Variants in SEC24A observed in about 807,000 individuals in gnomAD.
SEC24A encodes the protein SEC24 homolog A, COPII component.
In SEC24A, 93 loss-of-function variants were observed where a neutral mutation model predicts 129.4. The ratio of observed to expected loss-of-function variants is 0.72; its 90% CI spans 0.61 to 0.85. The LOEUF (loss-of-function observed/expected upper bound fraction) is 0.85. Ranked by LOEUF, SEC24A falls within the 40% of genes least tolerant of loss-of-function variation. The pLI is 0.00. For synonymous variants in SEC24A, 460 were observed against 467.3 expected (o/e 0.98, Z 0.20); for missense variants, 1,264 against 1,307.4 (o/e 0.97, Z 0.51).
intron 21 of SEC24A, among the ~76,000 whole-genome samples, chr5:134,723,062 G>T (rs997377627): frequency 9.8e-5 from 15 of 152,292 alleles, no homozygotes; most frequent in African/African-American, 3.1e-4. Flanking sequence ...GCTGAGGTGA[G>T]AGAATCACTT....
chr5:134,705,036 T>A (rs1752109564), intron 16 of SEC24A, among the ~76,000 whole-genome samples: 1 of 148,648 alleles, frequency 6.7e-6, no homozygotes, highest in East Asian at 1.9e-4. Flanking sequence ...TACTACCTGG[T>A]TCTAAATCGA....
chr5:134,679,774 G>A, intron 8 of SEC24A, 46 bp downstream of exon 8: 1 of 1,441,034 alleles, frequency 6.9e-7, no homozygotes, highest in Non-Finnish European at 9.3e-7. Flanking sequence ...TACTTGCATT[G>A]TAGGGAAATC....
In SEC24A at chr5:134,688,230, A is replaced by T. The variant is rs746620325; in HGVS notation, c.1654A>T (p.Thr552Ser). ...AATTGGCTTCATAACATTTGACAGT[A>T]CAATCCATTTCTACGGTCTTCAGGA... is the stretch of plus-strand genomic sequence containing the variant. ...TKIGFITFDS[T>S]IHFYGLQESL... is the part of the protein sequence containing the mutation. Residue 552 changes from threonine (T) to serine (S), a missense_variant, in exon 11 of 23, where the codon ACA becomes TCA. Physicochemically the swap from Thr to Ser is moderately conservative, Grantham distance 58. Coordinates refer to ENST00000398844, the MANE Select transcript of SEC24A (RefSeq NM_021982.3). 6.2e-7 allele frequency: 1 copy of T among 1,613,484 alleles called. No homozygotes were observed. Among genetic ancestry groups the T allele is most frequent in the South Asian group, 1.1e-5 (1 of 91,054 alleles).
At chr5:134,716,441 C>T (rs1393069198) in intron 19 of SEC24A, among the ~76,000 whole-genome samples, 1 of 149,308 alleles carries the variant, frequency 6.7e-6, no homozygotes, top group Admixed American at 6.7e-5. Context: ...TACACTCCAG[C>T]CTGGGTGACA....
chr5:134,658,148 T>A (rs1229935190), intron 1 of SEC24A, among the ~76,000 whole-genome samples: 2 of 152,030 alleles, frequency 1.3e-5, no homozygotes, highest in Non-Finnish European at 1.5e-5. Context: ...ACACCTGTAA[T>A]CCTAGCTACT....
At chr5:134,692,972 C>T (rs1016148986) in intron 12 of SEC24A, 7 of 1,377,070 alleles carry the variant, frequency 5.1e-6, no homozygotes, top group Non-Finnish European at 7.0e-6. Context: ...CTTCTGGTCA[C>T]TACATAGAAG....
chr5:134,680,627 C>T (rs1751233409), intron 8 of SEC24A, among the ~76,000 whole-genome samples: 1 of 151,998 alleles, frequency 6.6e-6, no homozygotes, highest in South Asian at 2.1e-4. Flanking sequence ...AGCCACTGCA[C>T]CCGGCCAAGA....
intron 18 of SEC24A, among the ~76,000 whole-genome samples, chr5:134,711,289 T>C (rs1299997980): frequency 6.6e-6 from 1 of 152,054 alleles, no homozygotes; most frequent in Non-Finnish European, 1.5e-5. Flanking sequence ...AAAGCAAGAA[T>C]CTGTCTCTAC....
chr5:134,723,593 A>G lies in SEC24A; in HGVS notation c.3090A>G (p.Pro1030=). The part of the protein sequence containing the change: ...PMTDLPELDT[P]ESARIIAFIS... ...CAGACCTTCCAGAACTTGATACACCAGAATCTGCCAGAATAATAGCTTTCA... is the reference window on the plus strand; with the variant it reads ...CAGACCTTCCAGAACTTGATACACCGGAATCTGCCAGAATAATAGCTTTCA... The change falls in exon 22 of 23, where the codon CCA becomes CCG. Residue 1030 remains proline (P), a synonymous_variant. Transcript: ENST00000398844. 6.2e-7 allele frequency: 1 copy of G among 1,613,072 alleles called. No individual in the cohort carries two copies. The highest frequency in any genetic ancestry group is 8.5e-7 in the Non-Finnish European group (1 of 1,179,100).
intron 19 of SEC24A, among the ~76,000 whole-genome samples, chr5:134,717,213 G>T (rs1752501325): frequency 6.6e-6 from 1 of 151,922 alleles, no homozygotes; most frequent in African/African-American, 2.4e-5. Flanking sequence ...GTTAAGATCA[G>T]AAGTTAATGG....
intron 11 of SEC24A, among the ~76,000 whole-genome samples, chr5:134,689,147 A>G (rs1390187598): frequency 6.6e-6 from 1 of 152,222 alleles, no homozygotes; most frequent in Non-Finnish European, 1.5e-5. Flanking sequence ...CCTAAACTTA[A>G]GAGCTATAAG....
chr5:134,663,511 A>G (rs534658204), intron 2 of SEC24A, among the ~76,000 whole-genome samples: 1 of 152,304 alleles, frequency 6.6e-6, no homozygotes, highest in South Asian at 2.1e-4. Context: ...AGTTTGGGAA[A>G]ACATTTATTT....
At chr5:134,652,791 T>G (rs1364340449) in intron 1 of SEC24A, among the ~76,000 whole-genome samples, 1 of 151,678 alleles carries the variant, frequency 6.6e-6, no homozygotes, top group African/African-American at 2.4e-5. Flanking sequence ...TTGTTTTGTT[T>G]TGTTTTTGTT....
At position 134,727,064 on chromosome 5, in the gene SEC24A, C is replaced by T. The variant is rs1431720603; in HGVS notation, c.*1970C>T. The T allele has an allele frequency of 6.6e-6, 1 of 152,456 alleles. No individual in the cohort carries two copies. Among genetic ancestry groups the T allele is most frequent in the African/African-American group, 2.4e-5 (1 of 41,386 alleles). 9.4% of individuals were successfully genotyped at this position (152,456 alleles called of 1,614,324 possible). A position where few individuals can be genotyped will look rare whatever the true frequency, so the allele number is the denominator to read the frequency against. ...GTTAGGATTCACAATATTTGTTCTCCACATAATGAGAGAATGAATGAGCCT... is the reference window on the plus strand; with the variant it reads ...GTTAGGATTCACAATATTTGTTCTCTACATAATGAGAGAATGAATGAGCCT... On this transcript the variant is annotated 3_prime_UTR_variant, in exon 23 of 23. Transcript: ENST00000398844.
At chr5:134,675,003 C>CACTT (rs777997632) in intron 5 of SEC24A, 42 bp from the exon 6 acceptor site, 9 of 1,471,828 alleles carry the variant, frequency 6.1e-6, no homozygotes, top group Non-Finnish European at 8.3e-6. Flanking sequence ...CTTCCCTACA[C>CACTT]ACTTAATAAA....
chr5:134,707,005 T>TA (rs1047511263), intron 17 of SEC24A, among the ~76,000 whole-genome samples: 9 of 151,926 alleles, frequency 5.9e-5, no homozygotes, highest in Non-Finnish European at 1.2e-4. Context: ...CAGCTAACTT[T>TA]AAAAAAAATT....
rs759578622 is a variant in SEC24A at position 134,675,185 on chromosome 5, T to G, written c.1119T>G (p.His373Gln). ...TPLKPPVPNL[H>Q]EDIQKLNCNP... ...TGAAGCCTCCAGTTCCAAATTTGCA[T>G]GAAGACATCCAGAAACTCAACTGTA... Residue 373 changes from histidine (H) to glutamine (Q), a missense_variant, in exon 6 of 23, where the codon CAT becomes CAG. Transcript: ENST00000398844. The G allele has an allele frequency of 6.2e-7, 1 of 1,613,064 alleles. No homozygotes were observed. Among genetic ancestry groups the G allele is most frequent in the South Asian group, 1.1e-5 (1 of 90,942 alleles).
rs757657603 is a variant in SEC24A, at chr5:134,693,725, A to G, written c.1780-2A>G. The G allele has an allele frequency of 1.2e-6, 2 of 1,611,698 alleles. No individual in the cohort carries two copies. The highest frequency in any genetic ancestry group is 2.2e-5 in the South Asian group (2 of 90,476). The stretch of plus-strand genomic sequence containing the variant: ...TTGAGTTTTCTTGCTTTGTTTTACA[A>G]GCTCGTGCAAGATTTACTGAAAACT... On this transcript the variant is annotated splice_acceptor_variant, in intron 12 of 22. Transcript: ENST00000398844. LOFTEE classifies it high-confidence loss of function.
At chr5:134,677,174 G>A (rs951703592) in intron 7 of SEC24A, among the ~76,000 whole-genome samples, 2 of 152,060 alleles carry the variant, frequency 1.3e-5, no homozygotes, top group African/African-American at 4.8e-5. Context: ...GGGTCTATGA[G>A]TTCAAGACCA....
Sources: gnomAD v4.1 joint callset for allele counts (sites outside exome capture counted in the v4.1 genomes callset) on GRCh38, gnomAD v4.1.1 for gene constraint, MANE v1.5 for transcripts, NCBI Gene and HGNC (gene_info 2026-07-23, HGNC 2026-07-21) for gene names.